BCAT1: variants seen among roughly 807,000 people sequenced by gnomAD.
The protein encoded by BCAT1 is branched-chain-amino-acid aminotransferase, cytosolic.
A neutral mutation model predicts 52.4 loss-of-function variants in BCAT1; 48 were observed. The observed-to-expected ratio is 0.92, with a 90% CI of 0.73 to 1.16. BCAT1 has a LOEUF of 1.16. Ranked by LOEUF, BCAT1 falls within the 50% of genes most tolerant of loss-of-function variation. The pLI, the probability that BCAT1 is intolerant of heterozygous loss-of-function variation, is 0.00. For synonymous variants in BCAT1, 167 were observed against 161.3 expected (o/e 1.04, Z -0.27); for missense variants, 451 against 457.1 (o/e 0.99, Z 0.12).
intron 2 of BCAT1, among the ~76,000 whole-genome samples, chr12:24,899,477 T>G (rs1171329906): frequency 2.7e-5 from 4 of 146,772 alleles, no homozygotes; most frequent in Non-Finnish European, 6.0e-5. Flanking sequence ...TATGAAGCTT[T>G]CCAAAAAAAA....
At chr12:24,914,798 G>T (rs1364862380) in intron 1 of BCAT1, among the ~76,000 whole-genome samples, 3 of 152,178 alleles carry the variant, frequency 2.0e-5, no homozygotes, top group Admixed American at 6.5e-5. Flanking sequence ...AGCCTGCAGG[G>T]CTTGGTGATT....
intron 5 of BCAT1, among the ~76,000 whole-genome samples, chr12:24,859,511 C>T (rs1206847987): frequency 1.3e-5 from 2 of 150,344 alleles, no homozygotes; most frequent in Admixed American, 6.6e-5. Flanking sequence ...GTCCCAGCTA[C>T]CCCGGAGGCT....
intron 1 of BCAT1, among the ~76,000 whole-genome samples, chr12:24,921,302 CACA>C (rs1943497874): frequency 6.6e-6 from 1 of 152,150 alleles, no homozygotes; most frequent in South Asian, 2.1e-4. Flanking sequence ...GAACAAAGAC[CACA>C]TATATGTATT....
At chr12:24,905,319 C>G (rs1943208234) in intron 1 of BCAT1, among the ~76,000 whole-genome samples, 1 of 152,132 alleles carries the variant, frequency 6.6e-6, no homozygotes. Context: ...AAAACTGGTT[C>G]AAAGAACAGG....
At chr12:24,930,989 A>G (rs561114436) in intron 1 of BCAT1, among the ~76,000 whole-genome samples, 1 of 139,594 alleles carries the variant, frequency 7.2e-6, no homozygotes, top group East Asian at 2.2e-4. Context: ...TACAACCTCC[A>G]CCTCCCAGGT....
intron 1 of BCAT1, among the ~76,000 whole-genome samples, chr12:24,912,091 A>C (rs1253423867): frequency 6.6e-6 from 1 of 152,222 alleles, no homozygotes; most frequent in African/African-American, 2.4e-5. Context: ...TAGCAAAAAG[A>C]AAAGGCCACA....
intron 10 of BCAT1, among the ~76,000 whole-genome samples, chr12:24,822,503 AT>A (rs1188051774): frequency 6.6e-6 from 1 of 152,230 alleles, no homozygotes; most frequent in Non-Finnish European, 1.5e-5. Flanking sequence ...GTAAAACATG[AT>A]GCAATTCTAT....
chr12:24,856,967 G>A (rs765940134), intron 5 of BCAT1, among the ~76,000 whole-genome samples: 17 of 152,166 alleles, frequency 1.1e-4, no homozygotes, highest in Admixed American at 3.9e-4. Context: ...TGAATTTTGG[G>A]GTTCCTGTCA....
At chr12:24,902,450 G>A in intron 1 of BCAT1, 7 of 1,013,458 alleles carry the variant, frequency 6.9e-6, no homozygotes, top group Non-Finnish European at 8.3e-6. Context: ...AGGGAAGCGG[G>A]ACTAATTGGG....
At chr12:24,867,090 G>A (rs866233889) in intron 5 of BCAT1, among the ~76,000 whole-genome samples, 3 of 151,810 alleles carry the variant, frequency 2.0e-5, no homozygotes, top group South Asian at 4.2e-4. Flanking sequence ...CAGACATGCC[G>A]CCTTAAGAGC....
intron 6 of BCAT1, among the ~76,000 whole-genome samples, chr12:24,848,839 A>G (rs1371700549): frequency 6.6e-6 from 1 of 152,204 alleles, no homozygotes; most frequent in Non-Finnish European, 1.5e-5. Flanking sequence ...TGCAGTTGCT[A>G]AAGTTGCCAG....
intron 5 of BCAT1, among the ~76,000 whole-genome samples, chr12:24,870,316 A>T (rs1591824870): frequency 6.6e-6 from 1 of 152,218 alleles, no homozygotes; most frequent in South Asian, 2.1e-4. Context: ...ACATAATACA[A>T]TATATAAAAT....
chr12:24,919,279 A>G (rs1201353811), intron 1 of BCAT1, among the ~76,000 whole-genome samples: 1 of 152,186 alleles, frequency 6.6e-6, no homozygotes, highest in Non-Finnish European at 1.5e-5. Flanking sequence ...TTTTCTCCTA[A>G]CTTCCTCGCA....
intron 10 of BCAT1, among the ~76,000 whole-genome samples, chr12:24,825,645 AT>A (rs1376348747): frequency 2.7e-5 from 4 of 150,822 alleles, no homozygotes; most frequent in Non-Finnish European, 4.4e-5. Flanking sequence ...TTTTAATCAA[AT>A]TTTTTTTTCT....
At chr12:24,947,167 CCA>C (rs57265449) in intron 1 of BCAT1, among the ~76,000 whole-genome samples, 34,260 of 140,900 alleles carry the variant, frequency 0.24, 4,133 homozygotes, top group Non-Finnish European at 0.29. Flanking sequence ...CGTCTTCCCT[CCA>C]CACACACACA....
chr12:24,832,056 A>T (rs10466757), intron 9 of BCAT1, among the ~76,000 whole-genome samples: 114,127 of 152,060 alleles, frequency 0.75, 42,931 homozygotes, highest in East Asian at 0.83. Flanking sequence ...GTAAAAAAAA[A>T]TCAAGGGATT....
chr12:24,847,880 T>C (rs1005459375), intron 6 of BCAT1, among the ~76,000 whole-genome samples: 12 of 152,210 alleles, frequency 7.9e-5, no homozygotes, highest in African/African-American at 2.9e-4. Flanking sequence ...TTGACTTAAT[T>C]AGGTTTACAG....
chr12:24,928,177 A>ATGAAGC (rs751988649), intron 1 of BCAT1, among the ~76,000 whole-genome samples: 15 of 152,338 alleles, frequency 9.8e-5, no homozygotes, highest in Non-Finnish European at 2.1e-4. Context: ...GCATGTTTGC[A>ATGAAGC]ATTCTGCTTC....
chr12:24,889,135 C>T (rs757239944), intron 3 of BCAT1, among the ~76,000 whole-genome samples: 5 of 152,184 alleles, frequency 3.3e-5, no homozygotes, highest in Non-Finnish European at 7.4e-5. Context: ...TCTTTTCCCT[C>T]GAAGATCCCT....
Sources: allele counts gnomAD v4.1 joint callset (sites outside exome capture counted in the v4.1 genomes callset), GRCh38; gene constraint gnomAD v4.1.1; transcripts MANE v1.5; gene names NCBI Gene and HGNC (gene_info 2026-07-23, HGNC 2026-07-21).